Variants in MAPKAP1 observed in about 807,000 individuals in gnomAD.
MAPKAP1 encodes MAPK associated protein 1.
A neutral mutation model predicts 65.7 loss-of-function variants in MAPKAP1; 20 were observed. The observed-to-expected ratio is 0.30, with a 90% CI of 0.21 to 0.44. MAPKAP1 has a LOEUF of 0.44. Ranked by LOEUF, MAPKAP1 falls within the 20% of genes least tolerant of loss-of-function variation. MAPKAP1 has a pLI of 1.00. For missense variants in MAPKAP1, 423 were observed against 648.0 expected, an observed-to-expected ratio of 0.65 and a Z score of 3.77; for synonymous variants, 222 against 244.3, an observed-to-expected ratio of 0.91 and a Z score of 0.85.
At chr9:125,583,097 T>C (rs115512314) in intron 5 of MAPKAP1, among the ~76,000 whole-genome samples, 1,697 of 152,348 alleles carry the variant, frequency 0.011, 40 homozygotes, top group African/African-American at 0.038. Flanking sequence ...AGGATGCTTA[T>C]CTTGTTATTA....
chr9:125,553,092 G>A (rs1434871493), intron 6 of MAPKAP1, among the ~76,000 whole-genome samples: 6 of 152,020 alleles, frequency 3.9e-5, no homozygotes, highest in African/African-American at 1.5e-4. Context: ...GTGGGGGGGT[G>A]TATGAGATAA....
chr9:125,662,600 G>A (rs1217754293), intron 3 of MAPKAP1, among the ~76,000 whole-genome samples: 9 of 152,046 alleles, frequency 5.9e-5, no homozygotes, highest in East Asian at 1.9e-4. Context: ...GGTGAATGGC[G>A]TGAACCCAGG....
chr9:125,582,163 A>T (rs765007551), intron 5 of MAPKAP1, among the ~76,000 whole-genome samples: 1 of 152,158 alleles, frequency 6.6e-6, no homozygotes, highest in African/African-American at 2.4e-5. Flanking sequence ...TTTTACTTTA[A>T]TAATTGTATT....
intron 9 of MAPKAP1, among the ~76,000 whole-genome samples, chr9:125,469,180 G>A (rs1351427758): frequency 6.6e-6 from 1 of 152,024 alleles, no homozygotes; most frequent in Non-Finnish European, 1.5e-5. Flanking sequence ...GTGAAAAAAA[G>A]CAAAATGAAG....
At chr9:125,500,352 T>A (rs74922536) in intron 8 of MAPKAP1, among the ~76,000 whole-genome samples, 3 of 126,270 alleles carry the variant, frequency 2.4e-5, no homozygotes. Flanking sequence ...CATCCCTGGC[T>A]TTTTTTTTTT....
At chr9:125,654,853 T>TA (rs1833986476) in intron 4 of MAPKAP1, among the ~76,000 whole-genome samples, 1 of 152,226 alleles carries the variant, frequency 6.6e-6, no homozygotes, top group African/African-American at 2.4e-5. Flanking sequence ...AACACTAGTT[T>TA]AATCTTAAGG....
intron 2 of MAPKAP1, 116 bp from the exon 3 acceptor site, chr9:125,670,023 A>C (rs1467609241): frequency 3.5e-6 from 2 of 567,650 alleles, no homozygotes; most frequent in Non-Finnish European, 3.0e-6. Context: ...GTAGAGAAAA[A>C]GTCATAAAAT....
At chr9:125,599,201 A>T (rs1448917420) in intron 4 of MAPKAP1, among the ~76,000 whole-genome samples, 2 of 152,200 alleles carry the variant, frequency 1.3e-5, no homozygotes, top group Non-Finnish European at 2.9e-5. Context: ...TGAAACTACA[A>T]GAAATCTGAA....
intron 1 of MAPKAP1, among the ~76,000 whole-genome samples, chr9:125,682,763 T>TA (rs1227163906): frequency 6.6e-6 from 1 of 152,212 alleles, no homozygotes; most frequent in Non-Finnish European, 1.5e-5. Context: ...ATTACCGGTT[T>TA]AGGAGCTTAA....
chr9:125,666,238 G>A (rs931056523), intron 3 of MAPKAP1, among the ~76,000 whole-genome samples: 4 of 152,060 alleles, frequency 2.6e-5, no homozygotes, highest in South Asian at 2.1e-4. Context: ...TTATCATGTG[G>A]TCTCATGGCA....
chr9:125,627,939 C>T (rs1833160639), intron 4 of MAPKAP1, among the ~76,000 whole-genome samples: 1 of 152,146 alleles, frequency 6.6e-6, no homozygotes, highest in Admixed American at 6.6e-5. Context: ...CTGAAGCATC[C>T]TGCCTTGTAC....
At chr9:125,695,596 T>C (rs1386272299) in intron 1 of MAPKAP1, among the ~76,000 whole-genome samples, 7 of 152,228 alleles carry the variant, frequency 4.6e-5, no homozygotes, top group Non-Finnish European at 5.9e-5. Context: ...CTTCGGTAAA[T>C]TTTTTGCATT....
chr9:125,655,883 C>T (rs1042734162), intron 4 of MAPKAP1, among the ~76,000 whole-genome samples: 3 of 152,222 alleles, frequency 2.0e-5, no homozygotes, highest in East Asian at 1.9e-4. Context: ...TGTAAACACA[C>T]ATCTAGCGAG....
intron 1 of MAPKAP1, among the ~76,000 whole-genome samples, chr9:125,676,608 G>A (rs1397038150): frequency 1.3e-5 from 2 of 152,308 alleles, no homozygotes; most frequent in Middle Eastern, 3.4e-3. Flanking sequence ...GCTAGGAGCT[G>A]GAGGAAGGTA....
At chr9:125,519,643 A>AT (rs1483894410) in intron 7 of MAPKAP1, among the ~76,000 whole-genome samples, 1 of 129,850 alleles carries the variant, frequency 7.7e-6, no homozygotes, top group African/African-American at 2.7e-5. Flanking sequence ...ATATACATAT[A>AT]TATGTCTTTT....
At chr9:125,573,948 C>G (rs1472425973) in intron 5 of MAPKAP1, among the ~76,000 whole-genome samples, 1 of 151,978 alleles carries the variant, frequency 6.6e-6, no homozygotes, top group East Asian at 1.9e-4. Context: ...AGTTATTTGC[C>G]CACTTCCTTC....
intron 7 of MAPKAP1, among the ~76,000 whole-genome samples, chr9:125,531,884 T>A (rs1253237585): frequency 6.6e-6 from 1 of 152,232 alleles, no homozygotes; most frequent in East Asian, 1.9e-4. Flanking sequence ...AAGCTCAATA[T>A]TTGTTTAAGA....
chr9:125,704,453 C>T lies in MAPKAP1; in HGVS notation c.-70+2518G>A, dbSNP rs12336337. On this transcript the variant is annotated intron_variant, in intron 1 of 11. Coordinates refer to ENST00000265960, the MANE Select transcript of MAPKAP1 (RefSeq NM_001006617.3). ...GACTTCTACCTTAGAACCCACAGTA[C>T]TTTATTATGGTTCACCTGCACACAC... Among the ~76,000 whole-genome samples the T allele has an allele frequency of 9.0e-3, 1,372 of 152,264 alleles. 19 individuals carry two copies. The highest frequency in any genetic ancestry group is 0.031 in the African/African-American group (1,299 of 41,528).
intron 4 of MAPKAP1, among the ~76,000 whole-genome samples, chr9:125,643,692 C>T (rs1311320051): frequency 3.9e-5 from 6 of 152,098 alleles, no homozygotes; most frequent in Non-Finnish European, 8.8e-5. Context: ...AATGAAAATA[C>T]ATTTGTATAT....
Sources: allele counts gnomAD v4.1 joint callset (sites outside exome capture counted in the v4.1 genomes callset), GRCh38; gene constraint gnomAD v4.1.1; transcripts MANE v1.5; gene names NCBI Gene and HGNC (gene_info 2026-07-23, HGNC 2026-07-21).